Variants in ZIM2 observed in about 807,000 individuals in gnomAD.
ZIM2 encodes zinc finger imprinted 2.
A neutral mutation model predicts 38.6 loss-of-function variants in ZIM2; 14 were observed. The observed-to-expected ratio is 0.36, with a 90% CI of 0.24 to 0.57. The LOEUF (loss-of-function observed/expected upper bound fraction) is 0.57, where lower values mean the gene tolerates loss of function less well. Among genes scored for constraint, ZIM2 ranks in the 20% least tolerant of loss-of-function variants. The pLI is 0.81. For synonymous variants in ZIM2, 247 were observed against 245.8 expected (o/e 1.00, Z -0.04); for missense variants, 680 against 695.1 (o/e 0.98, Z 0.24).
chr19:56,835,478 A>G (rs2146624770), intron 2 of ZIM2, among the ~76,000 whole-genome samples: 2 of 151,414 alleles, frequency 1.3e-5, no homozygotes, highest in Middle Eastern at 6.8e-3. Context: ...CACCATTCAC[A>G]CTCCTTCAGG....
intron 12 of ZIM2, among the ~76,000 whole-genome samples, chr19:56,776,551 C>G (rs1051927071): frequency 1.3e-5 from 2 of 152,174 alleles, no homozygotes; most frequent in African/African-American, 4.8e-5. Context: ...GCAAACAGGT[C>G]AACAACCTCT....
In ZIM2 at chr19:56,836,120, A is replaced by G; in HGVS notation, c.-313-16T>C. 8.7e-6 allele frequency: 4 copies of G among 461,600 alleles called. No individual in the cohort carries two copies. Among genetic ancestry groups the G allele is most frequent in the South Asian group, 6.2e-5 (4 of 64,840 alleles). The allele number at this position is 461,600 out of a possible 1,614,324, so 28.6% of individuals were successfully genotyped here. ...GAAGGCAAAGCTGTAGAGGAAAAGA[A>G]AATGTGAGACGCCAAGTTTATTTTG... On this transcript the variant is annotated splice_polypyrimidine_tract_variant and intron_variant, in intron 1 of 12. Transcript: ENST00000629319.
Position 56,823,186 on chromosome 19 carries a change from T to C in ZIM2, c.107-350A>G, listed in dbSNP as rs2060669038. ...AGACCCCCTACTGTCTGGCAGCCGA[T>C]CTTAAAGTACACGTTATTCTACTAC... On this transcript the variant is annotated intron_variant, in intron 5 of 12. Coordinates refer to ENST00000629319, the MANE Select transcript of ZIM2 (RefSeq NM_001387356.1). Among the ~76,000 whole-genome samples the C allele has an allele frequency of 3.3e-5, 5 of 152,260 alleles. No individual in the cohort carries two copies. The South Asian group carries it at 1.0e-3, about 32-fold the overall frequency.
chr19:56,820,777 T>G (rs1042737613), intron 7 of ZIM2, among the ~76,000 whole-genome samples: 4 of 152,260 alleles, frequency 2.6e-5, no homozygotes, highest in African/African-American at 9.6e-5. Context: ...TTTGTGCAAC[T>G]GTCAAAAGCT....
At chr19:56,812,702 A>C (rs2059617876) in intron 9 of ZIM2, 1 of 983,820 alleles carries the variant, frequency 1.0e-6, no homozygotes, top group Non-Finnish European at 1.2e-6. Context: ...TTCATTAGGC[A>C]CTACTGTGAT....
Position 56,823,734 on chromosome 19 carries a change from T to A in ZIM2, c.17-55A>T, listed in dbSNP as rs572353236. ...TCTCTGGCCCACATTCTCACAATAG[T>A]TCCCCCCAATCCCTGAGCCGCATCT... On this transcript the variant is annotated intron_variant, in intron 4 of 12. Coordinates refer to ENST00000629319, the MANE Select transcript of ZIM2 (RefSeq NM_001387356.1). 2.5e-6 allele frequency: 4 copies of A among 1,592,032 alleles called. No individual in the cohort carries two copies. In the East Asian group the frequency reaches 8.9e-5, roughly 36 times the overall value.
chr19:56,806,753 A>G (rs2047775946), intron 9 of ZIM2, among the ~76,000 whole-genome samples: 1 of 152,152 alleles, frequency 6.6e-6, no homozygotes, highest in South Asian at 2.1e-4. Flanking sequence ...TTAGGTCATG[A>G]GGGCTAAGCC....
chr19:56,800,325 T>C (rs1279987935), intron 9 of ZIM2, among the ~76,000 whole-genome samples: 1 of 152,174 alleles, frequency 6.6e-6, no homozygotes, highest in Admixed American at 6.5e-5. Context: ...ACTCATTAGA[T>C]GTTGGGTGTT....
chr19:56,801,269 G>T (rs933591148), intron 9 of ZIM2, among the ~76,000 whole-genome samples: 1 of 152,104 alleles, frequency 6.6e-6, no homozygotes, highest in Non-Finnish European at 1.5e-5. Flanking sequence ...TAATGAGATT[G>T]TAAGAGGTTT....
chr19:56,812,323 T>C, intron 9 of ZIM2: 2 of 981,784 alleles, frequency 2.0e-6, no homozygotes, highest in Non-Finnish European at 2.4e-6. Flanking sequence ...AGAAATACTC[T>C]AGGAGAGCTG....
chr19:56,780,818 A>G, intron 11 of ZIM2, among the ~76,000 whole-genome samples: 1 of 152,198 alleles, frequency 6.6e-6, no homozygotes, highest in Non-Finnish European at 1.5e-5. Context: ...AAAATTGAAG[A>G]ACTTCTTTTT....
intron 1 of ZIM2, among the ~76,000 whole-genome samples, chr19:56,839,879 C>A (rs2062775602): frequency 1.3e-5 from 2 of 152,260 alleles, no homozygotes; most frequent in Admixed American, 1.3e-4. Flanking sequence ...AGCCTTGCCC[C>A]GCCCCATCTG....
chr19:56,827,715 T>C (rs2061186715), intron 2 of ZIM2, among the ~76,000 whole-genome samples: 1 of 152,218 alleles, frequency 6.6e-6, no homozygotes, highest in Non-Finnish European at 1.5e-5. Flanking sequence ...ACAAGATATG[T>C]TATGTTTGTA....
chr19:56,799,268 A>G (rs901665912), intron 9 of ZIM2: 1 of 152,260 alleles, frequency 6.6e-6, no homozygotes, highest in African/African-American at 2.4e-5. Context: ...CCATGCAGCC[A>G]TAAAAAGGAA....
At chr19:56,784,759 A>G (rs970907877) in intron 10 of ZIM2, among the ~76,000 whole-genome samples, 1 of 152,182 alleles carries the variant, frequency 6.6e-6, no homozygotes, top group Non-Finnish European at 1.5e-5. Context: ...AAATAAAGAG[A>G]TCCATTACAT....
At chr19:56,817,640 G>T in intron 9 of ZIM2, 106 bp downstream of exon 9, 4 of 1,517,070 alleles carry the variant, frequency 2.6e-6, no homozygotes, top group Non-Finnish European at 2.7e-6. Context: ...AGTGGGACTT[G>T]GAGGGGTGCA....
intron 11 of ZIM2, among the ~76,000 whole-genome samples, chr19:56,780,905 A>T (rs1235863041): frequency 6.6e-6 from 1 of 152,196 alleles, no homozygotes; most frequent in African/African-American, 2.4e-5. Flanking sequence ...CACTGTACTC[A>T]TTCCACACTT....
chr19:56,824,179 C>G (rs1436828168), intron 4 of ZIM2, 83 bp downstream of exon 4: 4 of 1,552,460 alleles, frequency 2.6e-6, no homozygotes, highest in Non-Finnish European at 3.5e-6. Context: ...CCAGTCCAGA[C>G]CATGTCAGAA....
chr19:56,839,537 C>A lies in ZIM2; in HGVS notation c.-314+1045G>T, dbSNP rs911557968. 1.4e-4 allele frequency among the ~76,000 whole-genome samples: 21 copies of A among 152,018 alleles called. 1 individual carries two copies. Among genetic ancestry groups the A allele is most frequent in the Admixed American group, 9.2e-4 (14 of 15,284 alleles). On this transcript the variant is annotated intron_variant, in intron 1 of 12. Coordinates refer to ENST00000629319, the MANE Select transcript of ZIM2 (RefSeq NM_001387356.1). ...CTGCGCAGCAAACCTCAGCAGCCCC[C>A]ATCAAACATGGCGTCAAAGCGGGCG...
Sources: gnomAD v4.1 joint callset for allele counts (sites outside exome capture counted in the v4.1 genomes callset) on GRCh38, gnomAD v4.1.1 for gene constraint, MANE v1.5 for transcripts, NCBI Gene and HGNC (gene_info 2026-07-23, HGNC 2026-07-21) for gene names.